HIPK1: variants seen among roughly 807,000 people sequenced by gnomAD.
The protein encoded by HIPK1 is homeodomain-interacting protein kinase 1.
In HIPK1, 28 loss-of-function variants were observed where a neutral mutation model predicts 117.1. The observed-to-expected ratio is 0.24, with a 90% CI of 0.18 to 0.33. HIPK1 has a LOEUF of 0.33. Ranked by LOEUF, HIPK1 falls within the 10% of genes least tolerant of loss-of-function variation. The probability of loss-of-function intolerance (pLI) is 1.00; values close to 1 mark genes in which losing one functional copy is unlikely to be tolerated. For missense variants in HIPK1, 1,122 were observed against 1,475.1 expected (o/e 0.76, Z 3.92); for synonymous variants, 605 against 562.5 (o/e 1.08, Z -1.07).
At chr1:113,959,440 T>C (rs1558141722) in intron 8 of HIPK1, among the ~76,000 whole-genome samples, 1 of 152,222 alleles carries the variant, frequency 6.6e-6, no homozygotes, top group Non-Finnish European at 1.5e-5. Flanking sequence ...TGCATATGCT[T>C]CATAATAGTA....
At chr1:113,936,662 A>G (rs938881916) in intron 1 of HIPK1, among the ~76,000 whole-genome samples, 9 of 152,170 alleles carry the variant, frequency 5.9e-5, no homozygotes, top group African/African-American at 2.2e-4. Flanking sequence ...ATGGCGTTTT[A>G]CCATGTTGGT....
At chr1:113,950,227 A>G (rs1671256885) in intron 2 of HIPK1, among the ~76,000 whole-genome samples, 1 of 152,200 alleles carries the variant, frequency 6.6e-6, no homozygotes, top group South Asian at 2.1e-4. Context: ...CCCCCTGCAC[A>G]TATACACAAA....
chr1:113,942,683 A>T (rs1276633935), intron 2 of HIPK1, among the ~76,000 whole-genome samples: 1 of 152,208 alleles, frequency 6.6e-6, no homozygotes, highest in Admixed American at 6.5e-5. Context: ...TAATGTAGCT[A>T]CCATTTTAAT....
chr1:113,941,694 G>T lies in HIPK1; in HGVS notation c.1076+235G>T, dbSNP rs767546853. ...CTGATTCTGAAAGTTGTTACTAGTT[G>T]AATTATACTAGCACCTGGTTCTTTA... On this transcript the variant is annotated intron_variant, in intron 2 of 15. Coordinates refer to ENST00000426820, the MANE Select transcript of HIPK1 (RefSeq NM_198268.3). The surrounding 1 kb of genome is among the most constrained non-coding windows in gnomAD (Gnocchi z 4.9). 2.6e-5 allele frequency among the ~76,000 whole-genome samples: 4 copies of T among 152,058 alleles called. No homozygotes were observed. The highest frequency in any genetic ancestry group is 6.6e-5 in the Admixed American group (1 of 15,252).
intron 2 of HIPK1, among the ~76,000 whole-genome samples, chr1:113,945,695 T>C (rs148304942): frequency 6.6e-6 from 1 of 152,364 alleles, no homozygotes; most frequent in Admixed American, 6.5e-5. Flanking sequence ...TTGGGCTCTC[T>C]ATTCCATTAA....
intron 1 of HIPK1, among the ~76,000 whole-genome samples, chr1:113,937,732 C>G (rs534505085): frequency 6.6e-6 from 1 of 152,044 alleles, no homozygotes; most frequent in Admixed American, 6.6e-5. Context: ...TGTGGGAATG[C>G]ATGGTGGGGG....
chr1:113,971,270 A>AG (rs1438722437), intron 14 of HIPK1, among the ~76,000 whole-genome samples: 1 of 152,246 alleles, frequency 6.6e-6, no homozygotes, highest in East Asian at 1.9e-4. Flanking sequence ...CAGAGAATAT[A>AG]GGCTATCACA....
chr1:113,973,609 A>G lies in HIPK1; in HGVS notation c.*97A>G. 7.1e-7 allele frequency: 1 copy of G among 1,414,524 alleles called. No homozygotes were observed. The highest frequency in any genetic ancestry group is 2.5e-5 in the Admixed American group (1 of 39,904). 87.6% of individuals were successfully genotyped at this position (1,414,524 alleles called of 1,614,324 possible). A position where few individuals can be genotyped will look rare whatever the true frequency, so the allele number is the denominator to read the frequency against. On this transcript the variant is annotated 3_prime_UTR_variant, in exon 16 of 16. Transcript: ENST00000426820. ...AGAGATCCTCCTTTACCCTCTTGAA[A>G]TTTCTTAGCCAGCAACTTGTTCTGC...
In HIPK1 at chr1:113,929,347, A is replaced by T. The variant is rs1165277233; in HGVS notation, c.-188A>T. On this transcript the variant is annotated 5_prime_UTR_variant, in exon 1 of 16. Coordinates refer to ENST00000426820, the MANE Select transcript of HIPK1 (RefSeq NM_198268.3). ...ATGACATTTTACAGTTGGATCCCGTACCACCGCCAGGCACCTTTAAATCAC... is the reference window on the plus strand; with the variant it reads ...ATGACATTTTACAGTTGGATCCCGTTCCACCGCCAGGCACCTTTAAATCAC... The T allele has an allele frequency of 2.3e-6, 3 of 1,289,340 alleles. No individual in the cohort carries two copies. Among genetic ancestry groups the T allele is most frequent in the Non-Finnish European group, 3.0e-6 (3 of 988,852 alleles). The allele number at this position is 1,289,340 out of a possible 1,614,324, so 79.9% of individuals were successfully genotyped here.
rs553121508 is a variant in HIPK1 at position 113,955,037 on chromosome 1, C to T, written c.1320+267C>T. ...TTGGAGGGTAGTGCTCACCATTAAG[C>T]GATAGAACTAGAGACATATAGTAAT... On this transcript the variant is annotated intron_variant, in intron 4 of 15. Coordinates refer to ENST00000426820, the MANE Select transcript of HIPK1 (RefSeq NM_198268.3). 1.8e-4 allele frequency among the ~76,000 whole-genome samples: 27 copies of T among 152,276 alleles called. 1 individual carries two copies. In the South Asian group the frequency reaches 4.8e-3, roughly 27 times the overall value.
At chr1:113,961,459 A>G (rs1438727052) in intron 8 of HIPK1, among the ~76,000 whole-genome samples, 1 of 152,036 alleles carries the variant, frequency 6.6e-6, no homozygotes, top group East Asian at 1.9e-4. Context: ...GATAAAATAT[A>G]TGACTGATTT....
At chr1:113,950,082 C>T (rs772466454) in intron 2 of HIPK1, among the ~76,000 whole-genome samples, 4 of 152,028 alleles carry the variant, frequency 2.6e-5, no homozygotes, top group Non-Finnish European at 5.9e-5. Flanking sequence ...TTACTGTTTT[C>T]TAAGGGCCAC....
At chr1:113,930,052 C>A in intron 1 of HIPK1, 1 of 982,008 alleles carries the variant, frequency 1.0e-6, no homozygotes, top group Non-Finnish European at 1.2e-6. Flanking sequence ...CTGCCGGGGG[C>A]GCCTTCCTCA....
At chr1:113,937,560 G>A (rs1033648091) in intron 1 of HIPK1, among the ~76,000 whole-genome samples, 7 of 152,006 alleles carry the variant, frequency 4.6e-5, no homozygotes, top group Non-Finnish European at 1.0e-4. Context: ...TGGTAGGCAG[G>A]GGTCAAATAA....
At chr1:113,944,485 T>A (rs1670860748) in intron 2 of HIPK1, among the ~76,000 whole-genome samples, 2 of 150,336 alleles carry the variant, frequency 1.3e-5, no homozygotes, top group Admixed American at 6.6e-5. Context: ...TTTTTTGTTT[T>A]TTTTTTGTTT....
intron 2 of HIPK1, among the ~76,000 whole-genome samples, chr1:113,943,210 G>A (rs920026970): frequency 6.6e-6 from 1 of 152,156 alleles, no homozygotes; most frequent in African/African-American, 2.4e-5. Flanking sequence ...TCACAATGTT[G>A]TGTAACCATC....
chr1:113,955,686 T>C (rs1041933766), intron 5 of HIPK1, 37 bp downstream of exon 5: 3 of 1,119,270 alleles, frequency 2.7e-6, no homozygotes, highest in Non-Finnish European at 4.0e-6. Context: ...AGACATTTAT[T>C]TTTAATCAGA....
intron 2 of HIPK1, among the ~76,000 whole-genome samples, chr1:113,950,267 A>G (rs915828738): frequency 6.6e-6 from 1 of 152,218 alleles, no homozygotes; most frequent in Non-Finnish European, 1.5e-5. Flanking sequence ...ACTTGAAAGT[A>G]GTTTGAGAAA....
intron 8 of HIPK1, among the ~76,000 whole-genome samples, chr1:113,958,839 A>G (rs1671904021): frequency 6.6e-6 from 1 of 152,214 alleles, no homozygotes; most frequent in African/African-American, 2.4e-5. Context: ...TGGGGCAGGC[A>G]TTAAGATTAT....
Sources: gnomAD v4.1 joint callset for allele counts (sites outside exome capture counted in the v4.1 genomes callset) on GRCh38, gnomAD v4.1.1 for gene constraint, Gnocchi (gnomAD v3.1) non-coding constraint, MANE v1.5 for transcripts, NCBI Gene and HGNC (gene_info 2026-07-23, HGNC 2026-07-21) for gene names.